The following LRRTM4 variants were observed in gnomAD, a reference collection of about 807,000 sequenced individuals.
LRRTM4 encodes the protein leucine-rich repeat transmembrane neuronal protein 4.
LRRTM4 carries 25 observed loss-of-function variants against 47.6 expected under a neutral mutation model. That is an observed-to-expected ratio of 0.53 (90% confidence interval 0.38 to 0.73). The LOEUF (loss-of-function observed/expected upper bound fraction) is 0.73, where lower values mean the gene tolerates loss of function less well. LRRTM4 is among the 30% of genes least tolerant of loss of function. The pLI is 0.00. For missense variants in LRRTM4, 638 were observed against 713.4 expected (o/e 0.89, Z 1.20); for synonymous variants, 311 against 269.5 (o/e 1.15, Z -1.51).
chr2:76,967,831 C>G (rs1380750030), intron 3 of LRRTM4, among the ~76,000 whole-genome samples: 2 of 150,948 alleles, frequency 1.3e-5, no homozygotes, highest in African/African-American at 4.9e-5. Flanking sequence ...TTTTAAATCA[C>G]AACTTGTAAA....
At chr2:77,081,790 TG>T (rs1458750363) in intron 3 of LRRTM4, among the ~76,000 whole-genome samples, 1 of 152,214 alleles carries the variant, frequency 6.6e-6, no homozygotes, top group African/African-American at 2.4e-5. Flanking sequence ...TTTCTTGCCA[TG>T]GGGTATTGCT....
intron 3 of LRRTM4, among the ~76,000 whole-genome samples, chr2:76,895,940 G>A (rs544685069): frequency 6.6e-6 from 1 of 152,086 alleles, no homozygotes; most frequent in South Asian, 2.1e-4. Context: ...ACCTCACTGG[G>A]ATCACATCTG....
intron 3 of LRRTM4, among the ~76,000 whole-genome samples, chr2:77,364,931 T>G (rs1255204404): frequency 6.6e-6 from 1 of 151,892 alleles, no homozygotes. Context: ...TAACGTTTAT[T>G]TAAATAAAAC....
chr2:77,355,439 G>C (rs1671932366), intron 3 of LRRTM4, among the ~76,000 whole-genome samples: 1 of 152,018 alleles, frequency 6.6e-6, no homozygotes, highest in African/African-American at 2.4e-5. Context: ...TATTGAAAAA[G>C]TTATTTCCTA....
intron 3 of LRRTM4, among the ~76,000 whole-genome samples, chr2:77,124,443 T>A (rs1013180648): frequency 5.3e-5 from 8 of 152,106 alleles, no homozygotes; most frequent in Non-Finnish European, 8.8e-5. Context: ...AAGACAAAAT[T>A]GGTTGTAAAT....
chr2:77,127,979 C>A (rs1434706990), intron 3 of LRRTM4, among the ~76,000 whole-genome samples: 1 of 152,054 alleles, frequency 6.6e-6, no homozygotes, highest in Non-Finnish European at 1.5e-5. Flanking sequence ...CCTGTCTCTA[C>A]TAAAAATACA....
intron 3 of LRRTM4, among the ~76,000 whole-genome samples, chr2:77,363,406 G>A (rs541102782): frequency 1.3e-5 from 2 of 152,258 alleles, no homozygotes; most frequent in East Asian, 1.9e-4. Flanking sequence ...ATAGCATCTC[G>A]CCTTGAACTG....
intron 3 of LRRTM4, among the ~76,000 whole-genome samples, chr2:76,791,402 T>TGTAA (rs1214282516): frequency 6.6e-5 from 10 of 152,320 alleles, no homozygotes; most frequent in Non-Finnish European, 1.5e-4. Flanking sequence ...AAAATTAGAA[T>TGTAA]GTAAGTTTCA....
At chr2:76,788,855 T>C (rs1446304815) in intron 3 of LRRTM4, among the ~76,000 whole-genome samples, 1 of 150,110 alleles carries the variant, frequency 6.7e-6, no homozygotes, top group Non-Finnish European at 1.5e-5. Context: ...TGATAAATGT[T>C]TTTGTGTCTA....
chr2:77,113,700 G>A (rs142302135), intron 3 of LRRTM4, among the ~76,000 whole-genome samples: 1,632 of 152,178 alleles, frequency 0.011, 32 homozygotes, highest in African/African-American at 0.037. Context: ...CATGTGTGAA[G>A]AAGGGTACAG....
chr2:77,125,906 AAT>A (rs71964749), intron 3 of LRRTM4, among the ~76,000 whole-genome samples: 82,930 of 146,462 alleles, frequency 0.57, 23,553 homozygotes, highest in East Asian at 0.67. Flanking sequence ...ATATGCGTTG[AAT>A]ATATATATAT....
intron 3 of LRRTM4, among the ~76,000 whole-genome samples, chr2:77,013,174 A>T (rs1246672815): frequency 1.7e-5 from 2 of 115,594 alleles, no homozygotes; most frequent in Admixed American, 8.0e-5. Context: ...GGGCTGAATC[A>T]GGAGGGAAAG....
At chr2:77,088,707 C>T (rs560610408) in intron 3 of LRRTM4, among the ~76,000 whole-genome samples, 35 of 152,234 alleles carry the variant, frequency 2.3e-4, no homozygotes, top group African/African-American at 6.7e-4. Flanking sequence ...CAGGGGACTT[C>T]CCCTAGGAGA....
chr2:76,961,062 T>A (rs1419708107), intron 3 of LRRTM4, among the ~76,000 whole-genome samples: 1 of 151,550 alleles, frequency 6.6e-6, no homozygotes, highest in African/African-American at 2.4e-5. Flanking sequence ...GCACTTATAA[T>A]GTAAATATAT....
At chr2:77,351,922 G>T (rs1482121077) in intron 3 of LRRTM4, among the ~76,000 whole-genome samples, 1 of 151,912 alleles carries the variant, frequency 6.6e-6, no homozygotes, top group Non-Finnish European at 1.5e-5. Flanking sequence ...ATAATACTCT[G>T]CTTTTCAATT....
chr2:77,377,635 C>G (rs928849633), intron 3 of LRRTM4, among the ~76,000 whole-genome samples: 1 of 151,986 alleles, frequency 6.6e-6, no homozygotes, highest in East Asian at 1.9e-4. Context: ...TAATACTAAT[C>G]GGGTTAAATA....
At chr2:77,110,205 A>C (rs1671213697) in intron 3 of LRRTM4, among the ~76,000 whole-genome samples, 1 of 152,214 alleles carries the variant, frequency 6.6e-6, no homozygotes, top group African/African-American at 2.4e-5. Context: ...TGATATTAAA[A>C]GGTGGAAACA....
At chr2:77,172,674 TATC>T (rs1673083440) in intron 3 of LRRTM4, among the ~76,000 whole-genome samples, 2 of 151,908 alleles carry the variant, frequency 1.3e-5, no homozygotes, top group Admixed American at 1.3e-4. Flanking sequence ...TTTACCTAAT[TATC>T]ATCACACAAT....
intron 3 of LRRTM4, among the ~76,000 whole-genome samples, chr2:77,174,990 G>A (rs557471960): frequency 7.2e-5 from 11 of 152,144 alleles, no homozygotes; most frequent in South Asian, 6.2e-4. Flanking sequence ...TGGAACAGAC[G>A]TGAATGTGAG....
Sources: allele counts gnomAD v4.1 joint callset (sites outside exome capture counted in the v4.1 genomes callset), GRCh38; gene constraint gnomAD v4.1.1; transcripts MANE v1.5; gene names NCBI Gene and HGNC (gene_info 2026-07-23, HGNC 2026-07-21).